MYO16: variants seen among roughly 807,000 people sequenced by gnomAD.
The protein encoded by MYO16 is unconventional myosin-XVI.
MYO16 carries 94 observed loss-of-function variants against 205.3 expected under a neutral mutation model. That is an observed-to-expected ratio of 0.46 (90% CI 0.39 to 0.54). MYO16 has a LOEUF of 0.54. MYO16 is among the 20% of genes least tolerant of loss of function. MYO16 has a pLI of 0.00. For missense variants in MYO16, 2,315 were observed against 2,387.5 expected (o/e 0.97, Z 0.63); for synonymous variants, 988 against 954.0 (o/e 1.04, Z -0.66).
intron 1 of MYO16, among the ~76,000 whole-genome samples, chr13:108,645,431 G>C (rs904041073): frequency 2.0e-5 from 3 of 152,110 alleles, no homozygotes; most frequent in African/African-American, 7.2e-5. Flanking sequence ...TATGTACGCT[G>C]TCTCCTGTAG....
chr13:108,929,467 A>G (rs1882153494), intron 16 of MYO16, among the ~76,000 whole-genome samples: 1 of 152,262 alleles, frequency 6.6e-6, no homozygotes, highest in African/African-American at 2.4e-5. Flanking sequence ...CACACTCCTA[A>G]TGAGGGTTTA....
At chr13:108,896,463 A>G (rs1880416538) in intron 14 of MYO16, among the ~76,000 whole-genome samples, 1 of 152,218 alleles carries the variant, frequency 6.6e-6, no homozygotes, top group South Asian at 2.1e-4. Context: ...ACAGACCTAA[A>G]CCATAAAGTT....
At chr13:108,730,437 G>A (rs1884484678) in intron 4 of MYO16, among the ~76,000 whole-genome samples, 1 of 152,108 alleles carries the variant, frequency 6.6e-6, no homozygotes, top group African/African-American at 2.4e-5. Flanking sequence ...CAGCATAATT[G>A]TCAGAACTAA....
chr13:108,997,408 G>GAGGAAAGGAAAGGAAAGGAAAGGAA (rs71125358), intron 21 of MYO16, among the ~76,000 whole-genome samples: 12 of 84,194 alleles, frequency 1.4e-4, no homozygotes, highest in South Asian at 4.8e-4. Flanking sequence ...GGGAGAGTGG[G>GAGGAAAGGAAAGGAAAGGAAAGGAA]AGGAAAGGAA....
intron 3 of MYO16, among the ~76,000 whole-genome samples, chr13:108,721,815 C>T (rs1398286931): frequency 6.6e-6 from 1 of 152,116 alleles, no homozygotes; most frequent in Non-Finnish European, 1.5e-5. Context: ...GGCTGACTTC[C>T]ATTTAGGTTC....
chr13:108,908,060 G>A (rs1881077381), intron 15 of MYO16, among the ~76,000 whole-genome samples: 7 of 151,946 alleles, frequency 4.6e-5, no homozygotes, highest in Admixed American at 4.6e-4. Context: ...AGAATTTAAG[G>A]GGGAAAAAAG....
At chr13:109,203,198 G>T (rs1006065353) in intron 34 of MYO16, among the ~76,000 whole-genome samples, 3 of 152,096 alleles carry the variant, frequency 2.0e-5, no homozygotes, top group Non-Finnish European at 4.4e-5. Flanking sequence ...CAAACAGGTG[G>T]GACTTAATTA....
chr13:108,794,155 G>A (rs1886709333), intron 6 of MYO16, among the ~76,000 whole-genome samples: 1 of 152,088 alleles, frequency 6.6e-6, no homozygotes, highest in Non-Finnish European at 1.5e-5. Context: ...AGAAGGAGAC[G>A]AGACACCAGG....
At chr13:108,769,706 G>C (rs533891378) in intron 4 of MYO16, among the ~76,000 whole-genome samples, 1 of 152,224 alleles carries the variant, frequency 6.6e-6, no homozygotes, top group South Asian at 2.1e-4. Flanking sequence ...AGAATGGTCA[G>C]GTATGATTCA....
intron 2 of MYO16, among the ~76,000 whole-genome samples, chr13:108,677,876 G>T (rs1882299657): frequency 6.6e-6 from 1 of 152,184 alleles, no homozygotes; most frequent in African/African-American, 2.4e-5. Flanking sequence ...AGACAGTATT[G>T]CCATAGCTGG....
At chr13:109,109,717 G>A (rs562113158) in intron 28 of MYO16, among the ~76,000 whole-genome samples, 17 of 150,618 alleles carry the variant, frequency 1.1e-4, no homozygotes, top group East Asian at 7.7e-4. Context: ...TTTAAAAAAC[G>A]AACTTGCTCC....
intron 2 of MYO16, among the ~76,000 whole-genome samples, chr13:108,696,366 G>A (rs2139507586): frequency 1.3e-5 from 2 of 152,276 alleles, no homozygotes; most frequent in South Asian, 4.1e-4. Context: ...GATGCACAAA[G>A]TATGGTATAC....
intron 16 of MYO16, among the ~76,000 whole-genome samples, chr13:108,920,806 T>A (rs1047567202): frequency 6.6e-6 from 1 of 152,256 alleles, no homozygotes; most frequent in Admixed American, 6.5e-5. Context: ...AAATAAGAGA[T>A]ATTTATTTTC....
chr13:109,120,565 C>A, intron 29 of MYO16, 99 bp downstream of exon 29: 1 of 747,882 alleles, frequency 1.3e-6, no homozygotes, highest in Non-Finnish European at 2.1e-6. Context: ...GGTCTGCACC[C>A]TAGTGGACCA....
chr13:109,033,924 C>G (rs752754925), intron 23 of MYO16, among the ~76,000 whole-genome samples: 1 of 152,110 alleles, frequency 6.6e-6, no homozygotes, highest in African/African-American at 2.4e-5. Context: ...AAAACTTGGA[C>G]CCTCCTCCTG....
chr13:108,647,718 A>T (rs1880816638), intron 1 of MYO16, among the ~76,000 whole-genome samples: 1 of 152,192 alleles, frequency 6.6e-6, no homozygotes, highest in Admixed American at 6.5e-5. Context: ...CACTTTGTCC[A>T]TTCCTCTTTT....
At chr13:108,581,707 G>A in the MYO16 span, among the ~76,000 whole-genome samples, 18 of 151,668 alleles carry the variant, frequency 1.2e-4, 1 homozygote, top group South Asian at 1.5e-3. Context: ...GCAACATGGT[G>A]AAACCCCACC....
chr13:109,120,470 A>G lies in MYO16; in HGVS notation c.3535+4A>G. The G allele has an allele frequency of 6.3e-7, 1 of 1,594,198 alleles. No homozygotes were observed. Among genetic ancestry groups the G allele is most frequent in the Non-Finnish European group, 8.6e-7 (1 of 1,166,382 alleles). On this transcript the variant is annotated splice_donor_region_variant and intron_variant, in intron 29 of 34. Transcript: ENST00000457511. ...AAAATTATAACCTGCCAAAAAGGTA[A>G]CATTTATATGCCAACATTTCTGAAT... is the stretch of plus-strand genomic sequence containing the variant.
intron 1 of MYO16, among the ~76,000 whole-genome samples, chr13:108,635,641 C>T (rs532161759): frequency 2.2e-4 from 33 of 151,986 alleles, no homozygotes; most frequent in Non-Finnish European, 3.8e-4. Context: ...GCTGGGACTA[C>T]GGGTGCGTGC....
Sources: allele counts gnomAD v4.1 joint callset (sites outside exome capture counted in the v4.1 genomes callset), GRCh38; gene constraint gnomAD v4.1.1; transcripts MANE v1.5; gene names NCBI Gene and HGNC (gene_info 2026-07-23, HGNC 2026-07-21).